PARPBP: variants seen among roughly 807,000 people sequenced by gnomAD.
PARPBP encodes the protein PARP1 binding protein.
In PARPBP, 52 loss-of-function variants were observed where a neutral mutation model predicts 50.0. The observed-to-expected ratio is 1.04, with a 90% confidence interval of 0.83 to 1.31. The LOEUF (loss-of-function observed/expected upper bound fraction) is 1.31. PARPBP is among the 50% of genes most tolerant of loss of function. PARPBP has a pLI of 0.00. For missense variants in PARPBP, 697 were observed against 672.0 expected, an observed-to-expected ratio of 1.04 and a Z score of -0.41; for synonymous variants, 244 against 232.1, an observed-to-expected ratio of 1.05 and a Z score of -0.47.
Position 102,178,606 on chromosome 12 carries a change from C to A in PARPBP, c.1020C>A (p.Ala340=). 1 of 1,579,830 alleles carries A rather than the reference C, an allele frequency of 6.3e-7. No individual in the cohort carries two copies. The highest frequency in any genetic ancestry group is 8.6e-7 in the Non-Finnish European group (1 of 1,163,910). ...TTTTGTCTCAGCCAAAATCTCATGC[C>A]ATAAACCATGGTACTGCATACTGTG... ...DISPARPKSH[A]INHGTAYCGR... The change falls in exon 8 of 11, where the codon GCC becomes GCA. Residue 340 remains alanine, a synonymous_variant. Coordinates refer to ENST00000327680, the MANE Select transcript of PARPBP (RefSeq NM_017915.5).
chr12:102,153,829 A>T (rs896635536), intron 3 of PARPBP, 40 bp from the exon 4 acceptor site: 8 of 1,059,016 alleles, frequency 7.6e-6, no homozygotes, highest in Non-Finnish European at 1.2e-5. Context: ...TTTTATAGTC[A>T]GCATAGCATT....
chr12:102,145,397 T>C (rs148009047), intron 2 of PARPBP, among the ~76,000 whole-genome samples: 35 of 152,274 alleles, frequency 2.3e-4, no homozygotes, highest in African/African-American at 8.2e-4. Flanking sequence ...CTTAAAAATA[T>C]TTAGTACTCA....
chr12:102,178,335 A>G (rs1478488371), intron 7 of PARPBP, among the ~76,000 whole-genome samples: 1 of 152,224 alleles, frequency 6.6e-6, no homozygotes, highest in Non-Finnish European at 1.5e-5. Flanking sequence ...TTTCTGACTC[A>G]AAGCCTAATG....
At chr12:102,155,757 A>G (rs947354204) in intron 4 of PARPBP, among the ~76,000 whole-genome samples, 1 of 152,318 alleles carries the variant, frequency 6.6e-6, no homozygotes, top group East Asian at 1.9e-4. Flanking sequence ...TGGCTTGAGC[A>G]GAGCTTTTGC....
rs115183826 is a variant in PARPBP, at chr12:102,176,766, C to G, written c.1005+1100C>G. 7.9e-3 allele frequency among the ~76,000 whole-genome samples: 1,197 copies of G among 152,270 alleles called. 17 individuals carry two copies. Among genetic ancestry groups the G allele is most frequent in the African/African-American group, 0.028 (1,150 of 41,544 alleles). ...CATTCGTTCATTCATTTACTCACAG[C>G]ACTCTGGGACCACTTTTAGCTATTT... On this transcript the variant is annotated intron_variant, in intron 7 of 10. Transcript: ENST00000327680.
At chr12:102,192,876 G>A (rs1890925597) in intron 9 of PARPBP, among the ~76,000 whole-genome samples, 1 of 151,780 alleles carries the variant, frequency 6.6e-6, no homozygotes, top group African/African-American at 2.4e-5. Context: ...TTTTTGTACA[G>A]GGCAAGGGAA....
chr12:102,148,082 A>G lies in PARPBP; in HGVS notation c.154-148A>G, dbSNP rs1010643854. 47 of 432,194 alleles carry G rather than the reference A, an allele frequency of 1.1e-4. No homozygotes were observed. The East Asian group carries it at 1.6e-3, about 14-fold the overall frequency. 26.8% of individuals were successfully genotyped at this position (432,194 alleles called of 1,614,324 possible). On this transcript the variant is annotated intron_variant, in intron 2 of 10. Coordinates refer to ENST00000327680, the MANE Select transcript of PARPBP (RefSeq NM_017915.5). ...TATCTGGTTTCCAAAATTGTCTCAT[A>G]GTTCAACTTGGGTGTTCTCTTCAAA...
At chr12:102,162,702 A>T (rs971638040) in intron 4 of PARPBP, among the ~76,000 whole-genome samples, 2 of 151,996 alleles carry the variant, frequency 1.3e-5, no homozygotes, top group African/African-American at 4.8e-5. Context: ...CATGCCTGTA[A>T]TCCTAGCTAC....
At chr12:102,172,935 T>C (rs1888893448) in intron 6 of PARPBP, among the ~76,000 whole-genome samples, 1 of 152,186 alleles carries the variant, frequency 6.6e-6, no homozygotes, top group African/African-American at 2.4e-5. Flanking sequence ...AGTCCACATA[T>C]ATGTGAAAGA....
chr12:102,120,187 TCAGCGGCGA>T lies in PARPBP; in HGVS notation c.-92_-84del, dbSNP rs1213590626. 1.2e-5 allele frequency: 3 copies of T among 247,362 alleles called. No homozygotes were observed. The highest frequency in any genetic ancestry group is 2.5e-5 in the Non-Finnish European group (3 of 118,172). The allele number at this position is 247,362 out of a possible 1,614,324, so 15.3% of individuals were successfully genotyped here. A position where few individuals can be genotyped will look rare whatever the true frequency, so the allele number is the denominator to read the frequency against. ...GCCTCCCGCGAGGTTTGAACTGTAT[TCAGCGGCGA>T]CAGCGGCGACTGCGGCGGCCGCGGG... On this transcript the variant is annotated 5_prime_UTR_variant, in exon 1 of 11. Coordinates refer to ENST00000327680, the MANE Select transcript of PARPBP (RefSeq NM_017915.5).
chr12:102,132,803 G>A (rs1049495888), intron 2 of PARPBP, among the ~76,000 whole-genome samples: 10 of 151,978 alleles, frequency 6.6e-5, no homozygotes, highest in East Asian at 5.8e-4. Flanking sequence ...ATAACTTTCC[G>A]TATACTTGTG....
intron 9 of PARPBP, among the ~76,000 whole-genome samples, chr12:102,186,671 C>A (rs1214918712): frequency 4.6e-5 from 7 of 152,096 alleles, no homozygotes; most frequent in Non-Finnish European, 2.9e-5. Context: ...TGGCTTTATT[C>A]TTTCCAACTT....
chr12:102,175,333 ATCTTTT>A, intron 6 of PARPBP, 144 bp from the exon 7 acceptor site: 1 of 478,108 alleles, frequency 2.1e-6, no homozygotes. Flanking sequence ...AATGGTCCTT[ATCTTTT>A]TCTTAAATGC....
Position 102,153,870 on chromosome 12 carries a change from G to A in PARPBP, c.389G>A (p.Ser130Asn). 1 of 1,560,666 alleles carries A rather than the reference G, an allele frequency of 6.4e-7. No homozygotes were observed. Among genetic ancestry groups the A allele is most frequent in the East Asian group, 2.2e-5 (1 of 44,596 alleles). The change falls in exon 4 of 11, where the codon AGT (serine) becomes AAT (asparagine). Residue 130 changes from serine to asparagine, a missense_variant and splice_region_variant. Coordinates refer to ENST00000327680, the MANE Select transcript of PARPBP (RefSeq NM_017915.5). ...AGTAATACTCTATGTTTTCTACAGAGTCAACTACTGGATTTTCTGTCTGGC... is the reference window on the plus strand; with the variant it reads ...AGTAATACTCTATGTTTTCTACAGAATCAACTACTGGATTTTCTGTCTGGC... Reference protein sequence around the residue: ...NCENYNTVSPSQLLDFLSGKQ... With the variant: ...NCENYNTVSPNQLLDFLSGKQ...
chr12:102,148,476 TA>T lies in PARPBP; in HGVS notation c.387+16del. On this transcript the variant is annotated intron_variant, in intron 3 of 10. Transcript: ENST00000327680. ...CACAGTATCTCCTGTAAGTATTTTTTAAACAATTCTATTTTAATCAAATTAA... is the reference window on the plus strand; with the variant it reads ...CACAGTATCTCCTGTAAGTATTTTTTAACAATTCTATTTTAATCAAATTAA... 9.9e-7 allele frequency: 1 copy of T among 1,005,218 alleles called. No homozygotes were observed. The highest frequency in any genetic ancestry group is 2.4e-4 in the Middle Eastern group (1 of 4,196). 62.3% of individuals were successfully genotyped at this position (1,005,218 alleles called of 1,614,324 possible).
At chr12:102,183,390 T>G (rs1242411968) in intron 9 of PARPBP, among the ~76,000 whole-genome samples, 1 of 152,144 alleles carries the variant, frequency 6.6e-6, no homozygotes, top group Non-Finnish European at 1.5e-5. Flanking sequence ...CCTTTATTTT[T>G]TCATTTGGAA....
At chr12:102,176,165 G>T (rs1438884981) in intron 7 of PARPBP, among the ~76,000 whole-genome samples, 2 of 151,920 alleles carry the variant, frequency 1.3e-5, no homozygotes, top group African/African-American at 4.8e-5. Context: ...TGTATTTTTA[G>T]TAGAGATGGG....
chr12:102,125,174 C>T (rs1400180280), intron 2 of PARPBP, among the ~76,000 whole-genome samples: 1 of 152,002 alleles, frequency 6.6e-6, no homozygotes, highest in Non-Finnish European at 1.5e-5. Flanking sequence ...GTGTGTTAGA[C>T]ATCATTGTAA....
At chr12:102,128,466 C>T (rs1315537004) in intron 2 of PARPBP, among the ~76,000 whole-genome samples, 3 of 152,142 alleles carry the variant, frequency 2.0e-5, no homozygotes, top group South Asian at 2.1e-4. Flanking sequence ...TTCCTGACCT[C>T]GTGATCTGCC....
Sources: allele counts gnomAD v4.1 joint callset (sites outside exome capture counted in the v4.1 genomes callset), GRCh38; gene constraint gnomAD v4.1.1; transcripts MANE v1.5; gene names NCBI Gene and HGNC (gene_info 2026-07-23, HGNC 2026-07-21).